The following FTO variants were observed in gnomAD, a reference collection of about 807,000 sequenced individuals.
FTO encodes alpha-ketoglutarate-dependent dioxygenase FTO.
FTO carries 47 observed loss-of-function variants against 63.9 expected under a neutral mutation model. That is an observed-to-expected ratio of 0.74 (90% CI 0.58 to 0.94). FTO has a LOEUF of 0.94. Among genes scored for constraint, FTO ranks in the 40% least tolerant of loss-of-function variants. The probability of loss-of-function intolerance (pLI) is 0.00; values close to 1 mark genes in which losing one functional copy is unlikely to be tolerated. For missense variants in FTO, 562 were observed against 618.1 expected, an observed-to-expected ratio of 0.91 and a Z score of 0.96; for synonymous variants, 207 against 224.4, an observed-to-expected ratio of 0.92 and a Z score of 0.69.
chr16:54,014,848 CTCTTTTTTT>C (rs1211016527), intron 8 of FTO, among the ~76,000 whole-genome samples: 5 of 94,342 alleles, frequency 5.3e-5, no homozygotes, highest in African/African-American at 3.1e-4. Flanking sequence ...CTCTCTCTCT[CTCTTTTTTT>C]TTTTTTTTTT....
At chr16:53,772,233 T>C (rs2058908) in intron 1 of FTO, among the ~76,000 whole-genome samples, 119,856 of 151,820 alleles carry the variant, frequency 0.79, 48,232 homozygotes, top group African/African-American at 0.95. Flanking sequence ...TTTAACCCAC[T>C]CAGACTGGCC....
intron 1 of FTO, among the ~76,000 whole-genome samples, chr16:53,756,346 A>G (rs2076923222): frequency 6.6e-6 from 1 of 152,146 alleles, no homozygotes; most frequent in Admixed American, 6.5e-5. Context: ...AGATTATTAG[A>G]GGCCCTAGGG....
rs1446193568 is a variant in FTO at position 53,954,751 on chromosome 16, C to T, written c.1364+20642C>T. On this transcript the variant is annotated intron_variant, in intron 8 of 8. Coordinates refer to ENST00000471389, the MANE Select transcript of FTO (RefSeq NM_001080432.3). ...ACAGTAGAGCCCATGGGCTGTTGAGCCGGAAGTGGTGCAGCAGGGGCATTG... is the reference window on the plus strand; with the variant it reads ...ACAGTAGAGCCCATGGGCTGTTGAGTCGGAAGTGGTGCAGCAGGGGCATTG... Among the ~76,000 whole-genome samples, 4 of 151,918 alleles carry T rather than the reference C, an allele frequency of 2.6e-5. No individual in the cohort carries two copies. The East Asian group carries it at 7.8e-4, about 30-fold the overall frequency.
chr16:53,759,576 C>A (rs1196126489), intron 1 of FTO, among the ~76,000 whole-genome samples: 1 of 151,716 alleles, frequency 6.6e-6, no homozygotes, highest in Admixed American at 6.6e-5. Context: ...CACCTGTAAT[C>A]CCAGCTGCTT....
At chr16:53,965,365 G>A (rs189812042) in intron 8 of FTO, among the ~76,000 whole-genome samples, 59 of 152,210 alleles carry the variant, frequency 3.9e-4, no homozygotes, top group African/African-American at 1.4e-4. Flanking sequence ...TTTATAAAAC[G>A]TCCCATCATG....
chr16:54,060,731 T>C (rs1000138344), intron 8 of FTO, among the ~76,000 whole-genome samples: 3 of 152,216 alleles, frequency 2.0e-5, no homozygotes, highest in Non-Finnish European at 4.4e-5. Flanking sequence ...GGGACGCTAG[T>C]TTCAGTGTAA....
chr16:53,789,024 A>G (rs1388712837), intron 1 of FTO, among the ~76,000 whole-genome samples: 1 of 152,228 alleles, frequency 6.6e-6, no homozygotes. Context: ...AAAATTATTC[A>G]TTGTTACTTA....
chr16:54,049,629 A>T lies in FTO; in HGVS notation c.1365-62133A>T, dbSNP rs868305797. Among the ~76,000 whole-genome samples the T allele has an allele frequency of 3.3e-5, 5 of 152,326 alleles. No individual in the cohort carries two copies. In the South Asian group the frequency reaches 1.0e-3, roughly 32 times the overall value. On this transcript the variant is annotated intron_variant, in intron 8 of 8. Coordinates refer to ENST00000471389, the MANE Select transcript of FTO (RefSeq NM_001080432.3). ...GAAATACTTGTCTTTGTATCTTTGC[A>T]TTTAACTCATTCAAGTGTTAAGGTG...
chr16:53,910,970 G>C (rs1005636008), intron 7 of FTO, among the ~76,000 whole-genome samples: 2 of 152,234 alleles, frequency 1.3e-5, no homozygotes, highest in African/African-American at 4.8e-5. Context: ...ACCATTTACT[G>C]AGCTACACCC....
At position 53,950,155 on chromosome 16, in the gene FTO, T is replaced by TAAAAAAAAAAAAA. The variant is rs57925273; in HGVS notation, c.1364+16058_1364+16070dup. ...GGAAAAAAAAAGATATTCACATTTG[T>TAAAAAAAAAAAAA]AAAAAAAAAAAAAAAAAAAAAAAAC... is the stretch of plus-strand genomic sequence containing the variant. On this transcript the variant is annotated intron_variant, in intron 8 of 8. Coordinates refer to ENST00000471389, the MANE Select transcript of FTO (RefSeq NM_001080432.3). 5.7e-4 allele frequency among the ~76,000 whole-genome samples: 29 copies of TAAAAAAAAAAAAA among 50,600 alleles called. 1 individual carries two copies. The highest frequency in any genetic ancestry group is 9.3e-4 in the Non-Finnish European group (21 of 22,574). 33.2% of individuals were successfully genotyped at this position (50,600 alleles called of 152,430 possible). A position where few individuals can be genotyped will look rare whatever the true frequency, so the allele number is the denominator to read the frequency against.
At chr16:53,765,696 G>T (rs1344785087) in intron 1 of FTO, among the ~76,000 whole-genome samples, 1 of 152,096 alleles carries the variant, frequency 6.6e-6, no homozygotes, top group Non-Finnish European at 1.5e-5. Flanking sequence ...CCTTTGATGT[G>T]AACTCCAAAG....
intron 1 of FTO, among the ~76,000 whole-genome samples, chr16:53,746,384 A>G (rs2076652244): frequency 6.6e-6 from 1 of 152,156 alleles, no homozygotes; most frequent in Non-Finnish European, 1.5e-5. Flanking sequence ...TAGACAGGTA[A>G]CTTGAGCAAG....
At chr16:53,773,243 C>G (rs767168482) in intron 1 of FTO, among the ~76,000 whole-genome samples, 1 of 152,034 alleles carries the variant, frequency 6.6e-6, no homozygotes, top group Non-Finnish European at 1.5e-5. Flanking sequence ...AATGTGATTT[C>G]TTCTACTCCT....
At chr16:53,765,125 G>C (rs182407713) in intron 1 of FTO, among the ~76,000 whole-genome samples, 1 of 152,088 alleles carries the variant, frequency 6.6e-6, no homozygotes, top group Non-Finnish European at 1.5e-5. Context: ...GTTGCTTCCC[G>C]CATGTTCATT....
At chr16:53,870,315 A>G (rs1197443396) in intron 4 of FTO, among the ~76,000 whole-genome samples, 1 of 152,180 alleles carries the variant, frequency 6.6e-6, no homozygotes, top group African/African-American at 2.4e-5. Context: ...AACCTGTTAG[A>G]GCTTTTGGAG....
chr16:53,876,781 G>A (rs1201944073), intron 5 of FTO, among the ~76,000 whole-genome samples: 1 of 152,154 alleles, frequency 6.6e-6, no homozygotes, highest in African/African-American at 2.4e-5. Flanking sequence ...TCAAAAATTA[G>A]CCAGGTGTGG....
At chr16:53,810,081 G>A in intron 1 of FTO, 59 bp from the exon 2 acceptor site, 1 of 1,112,324 alleles carries the variant, frequency 9.0e-7, no homozygotes, top group Non-Finnish European at 1.4e-6. Context: ...AAAAATAAGA[G>A]AGTGTCTTAC....
chr16:53,853,434 A>G (rs1426713500), intron 4 of FTO, among the ~76,000 whole-genome samples: 1 of 135,158 alleles, frequency 7.4e-6, no homozygotes, highest in Non-Finnish European at 1.5e-5. Flanking sequence ...TATACATCTG[A>G]TAAGTGTTTT....
rs1231798366 is a variant in FTO, at chr16:53,873,847, C to T, written c.957C>T (p.Ser319=). Residue 319 remains serine (S), a synonymous_variant, in exon 5 of 9, where the codon TCC becomes TCT. Coordinates refer to ENST00000471389, the MANE Select transcript of FTO (RefSeq NM_001080432.3). The part of the protein sequence containing the change: ...VLAGSQPRFS[S]THRVAECSTG... ...CCGGTTCACAACCTCGGTTTAGTTC[C>T]ACCCACCGAGTGGCAGAGGTAAGTG... is the stretch of plus-strand genomic sequence containing the variant. The T allele has an allele frequency of 6.2e-7, 1 of 1,612,630 alleles. No individual in the cohort carries two copies. The highest frequency in any genetic ancestry group is 8.5e-7 in the Non-Finnish European group (1 of 1,178,920).
Sources: allele counts gnomAD v4.1 joint callset (sites outside exome capture counted in the v4.1 genomes callset), GRCh38; gene constraint gnomAD v4.1.1; transcripts MANE v1.5; gene names NCBI Gene and HGNC (gene_info 2026-07-23, HGNC 2026-07-21).